The following CSMD3 variants were observed in gnomAD, a reference collection of about 807,000 sequenced individuals.
CSMD3 encodes the protein CUB and Sushi multiple domains 3.
Under a neutral mutation model 435.2 loss-of-function variants are expected in CSMD3, and 177 were observed. The observed-to-expected ratio is 0.41, with a 90% confidence interval of 0.36 to 0.46. The LOEUF is 0.46. Ranked by LOEUF, CSMD3 falls within the 20% of genes least tolerant of loss-of-function variation. The probability of loss-of-function intolerance (pLI) is 0.34; values close to 1 mark genes in which losing one functional copy is unlikely to be tolerated. For missense variants in CSMD3, 4,265 were observed against 4,504.6 expected, an observed-to-expected ratio of 0.95 and a Z score of 1.52; for synonymous variants, 1,656 against 1,520.5, an observed-to-expected ratio of 1.09 and a Z score of -2.07.
intron 49 of CSMD3, among the ~76,000 whole-genome samples, chr8:112,311,449 A>C (rs758397594): frequency 3.3e-5 from 5 of 152,212 alleles, no homozygotes; most frequent in Admixed American, 6.5e-5. Context: ...CTGGAGGTTC[A>C]GAAGCCCAAC....
chr8:112,903,362 T>G lies in CSMD3; in HGVS notation c.1633+18265A>C, dbSNP rs540197237. Among the ~76,000 whole-genome samples the G allele has an allele frequency of 5.3e-5, 8 of 151,238 alleles. No individual in the cohort carries two copies. In the South Asian group the frequency reaches 1.7e-3, roughly 31 times the overall value. On this transcript the variant is annotated intron_variant, in intron 10 of 70. Transcript: ENST00000297405. ...AAGGACATAATAAGTCATTGTAAGT[T>G]TTACAAAAATTCCCTTGTTCCCTAA...
intron 38 of CSMD3, among the ~76,000 whole-genome samples, chr8:112,368,990 C>T (rs991446534): frequency 1.3e-5 from 2 of 151,976 alleles, no homozygotes; most frequent in Non-Finnish European, 2.9e-5. Flanking sequence ...TGTTGTATAA[C>T]CTTCTTTATT....
At chr8:113,324,178 T>C (rs2093967663) in intron 1 of CSMD3, among the ~76,000 whole-genome samples, 1 of 152,190 alleles carries the variant, frequency 6.6e-6, no homozygotes, top group Non-Finnish European at 1.5e-5. Context: ...AAAACCATTT[T>C]CTGAGGAGAA....
intron 4 of CSMD3, among the ~76,000 whole-genome samples, chr8:113,131,870 C>T (rs1451868475): frequency 2.6e-5 from 4 of 152,190 alleles, no homozygotes; most frequent in East Asian, 3.9e-4. Context: ...GGAGCCAACC[C>T]CTTGCATCTA....
At chr8:112,570,738 C>T (rs1475397183) in intron 24 of CSMD3, among the ~76,000 whole-genome samples, 1 of 152,058 alleles carries the variant, frequency 6.6e-6, no homozygotes, top group Non-Finnish European at 1.5e-5. Context: ...TTTCTAAAGC[C>T]CTTTCCGAGA....
chr8:112,278,279 C>T (rs1586631002), intron 59 of CSMD3, among the ~76,000 whole-genome samples: 1 of 152,266 alleles, frequency 6.6e-6, no homozygotes, highest in Non-Finnish European at 1.5e-5. Flanking sequence ...GTGCTTGGTG[C>T]TGTGCTAGTG....
chr8:112,682,286 G>A (rs1212121967), intron 16 of CSMD3, among the ~76,000 whole-genome samples, 156 bp downstream of exon 16: 2 of 152,086 alleles, frequency 1.3e-5, no homozygotes, highest in East Asian at 3.9e-4. Context: ...AAAATTAAAA[G>A]TGTAATTTCC....
chr8:112,580,731 G>C (rs115928058), intron 23 of CSMD3, among the ~76,000 whole-genome samples: 53 of 152,148 alleles, frequency 3.5e-4, no homozygotes, highest in African/African-American at 1.2e-3. Flanking sequence ...TCCAGCAGTG[G>C]ATGCCCAATT....
In CSMD3 at chr8:112,628,139, G is replaced by C. The variant is rs1586837764; in HGVS notation, c.3715+8678C>G. Among the ~76,000 whole-genome samples the C allele has an allele frequency of 2.6e-5, 4 of 152,180 alleles. No homozygotes were observed. The South Asian group carries it at 8.3e-4, about 32-fold the overall frequency. On this transcript the variant is annotated intron_variant, in intron 22 of 70. Transcript: ENST00000297405. ...ATGTGTATTGGTCCCTCGCAATCTT[G>C]TGGATACTATTTCTATCACACACCT...
At chr8:113,067,566 C>T (rs1475006595) in intron 5 of CSMD3, among the ~76,000 whole-genome samples, 1 of 152,036 alleles carries the variant, frequency 6.6e-6, no homozygotes, top group Non-Finnish European at 1.5e-5. Flanking sequence ...ACTGCAATAA[C>T]TTTTGTACCA....
intron 3 of CSMD3, among the ~76,000 whole-genome samples, chr8:113,242,222 G>T (rs746302713): frequency 7.2e-5 from 11 of 151,906 alleles, no homozygotes; most frequent in Middle Eastern, 6.8e-3. Context: ...AGCTAGTCTT[G>T]ATTCTTAGGC....
chr8:112,235,814 A>G (rs1332900173), intron 67 of CSMD3, among the ~76,000 whole-genome samples: 1 of 152,074 alleles, frequency 6.6e-6, no homozygotes, highest in Non-Finnish European at 1.5e-5. Flanking sequence ...AAATTGCTAC[A>G]ATTGGTTTAT....
chr8:113,174,736 C>T (rs1365035486), intron 3 of CSMD3, among the ~76,000 whole-genome samples: 2 of 151,828 alleles, frequency 1.3e-5, no homozygotes, highest in Non-Finnish European at 1.5e-5. Flanking sequence ...TATTTGTTCT[C>T]ATATTGTTTT....
At chr8:112,668,000 T>C (rs923652010) in intron 16 of CSMD3, among the ~76,000 whole-genome samples, 1 of 152,146 alleles carries the variant, frequency 6.6e-6, no homozygotes, top group African/African-American at 2.4e-5. Context: ...TAGCAAATAT[T>C]TATAAATTGG....
intron 6 of CSMD3, among the ~76,000 whole-genome samples, chr8:113,007,769 G>T (rs1255909913): frequency 1.3e-5 from 2 of 151,844 alleles, no homozygotes; most frequent in Admixed American, 6.6e-5. Context: ...AAAACTAGAA[G>T]ATACCTAAGG....
chr8:112,304,274 G>A (rs1821205107), intron 52 of CSMD3, among the ~76,000 whole-genome samples: 1 of 151,876 alleles, frequency 6.6e-6, no homozygotes, highest in Non-Finnish European at 1.5e-5. Flanking sequence ...GATATAACAT[G>A]ATAAAAAGTC....
chr8:112,853,111 A>C (rs545314395), intron 11 of CSMD3, among the ~76,000 whole-genome samples: 8 of 152,240 alleles, frequency 5.3e-5, no homozygotes, highest in Non-Finnish European at 1.0e-4. Context: ...GGCAGTCTTC[A>C]ATCACATAAA....
intron 3 of CSMD3, among the ~76,000 whole-genome samples, chr8:113,183,125 C>T (rs2092448013): frequency 6.6e-6 from 1 of 152,026 alleles, no homozygotes; most frequent in Admixed American, 6.6e-5. Flanking sequence ...CTTTCTCCTG[C>T]ATCCTGTAGT....
intron 20 of CSMD3, chr8:112,643,486 C>T (rs951314333): frequency 1.2e-5 from 2 of 170,220 alleles, no homozygotes; most frequent in Admixed American, 6.6e-5. Flanking sequence ...CATCTACGTC[C>T]GCATCTCTTG....
Sources: gnomAD v4.1 joint callset for allele counts (sites outside exome capture counted in the v4.1 genomes callset) on GRCh38, gnomAD v4.1.1 for gene constraint, MANE v1.5 for transcripts, NCBI Gene and HGNC (gene_info 2026-07-23, HGNC 2026-07-21) for gene names.